The following C6 variants were observed in gnomAD, a reference collection of about 807,000 sequenced individuals.
C6 encodes complement component C6.
A neutral mutation model predicts 112.9 loss-of-function variants in C6; 101 were observed. The observed-to-expected ratio is 0.89, with a 90% CI of 0.76 to 1.06. The LOEUF is 1.06. C6 is among the 50% of genes least tolerant of loss of function. The pLI is 0.00. For synonymous variants in C6, 431 were observed against 384.1 expected, an observed-to-expected ratio of 1.12 and a Z score of -1.43; for missense variants, 1,202 against 1,104.6, an observed-to-expected ratio of 1.09 and a Z score of -1.25.
chr5:41,255,111 C>CA (rs1251984384), intron 1 of C6, among the ~76,000 whole-genome samples: 2 of 152,056 alleles, frequency 1.3e-5, no homozygotes, highest in African/African-American at 4.8e-5. Context: ...TCTGTAATTC[C>CA]AGCACTTTGG....
chr5:41,181,369 G>A lies in C6; in HGVS notation c.917C>T (p.Ser306Phe). The change falls in exon 7 of 18, where the codon TCT becomes TTT. Residue 306 changes from serine (S) to phenylalanine (F), a missense_variant. Coordinates refer to ENST00000337836, the MANE Select transcript of C6 (RefSeq NM_000065.5). The part of the protein sequence containing the change: ...NSAFKQAIQA[S>F]HKKDSSFIRI... The stretch of plus-strand genomic sequence containing the variant: ...AACCATTTTTGATACCTTTTTGTGA[G>A]AGGCTTGAATGGCTTGTTTGAAGGC... The A allele has an allele frequency of 6.2e-7, 1 of 1,613,546 alleles. No homozygotes were observed. The highest frequency in any genetic ancestry group is 1.1e-5 in the South Asian group (1 of 91,038).
Position 41,195,853 on chromosome 5 carries a change from T to C in C6, c.526A>G (p.Thr176Ala). The C allele has an allele frequency of 6.2e-7, 1 of 1,614,048 alleles. No homozygotes were observed. The highest frequency in any genetic ancestry group is 2.2e-5 in the East Asian group (1 of 44,868). Residue 176 changes from threonine (T) to alanine (A), a missense_variant, in exon 5 of 18, where the codon ACA becomes GCA. Coordinates refer to ENST00000337836, the MANE Select transcript of C6 (RefSeq NM_000065.5). The part of the protein sequence containing the change: ...DNSDERDCGR[T>A]KAVCTRKYNP... ...TACTTCCGTGTGCATACTGCCTTTG[T>C]CCTCCCACAGTCCCTTTCATCTGAA...
chr5:41,177,590 G>C (rs1378666565), intron 7 of C6, among the ~76,000 whole-genome samples: 1 of 151,698 alleles, frequency 6.6e-6, no homozygotes, highest in African/African-American at 2.4e-5. Flanking sequence ...CAAAATAACT[G>C]TATTATAACT....
chr5:41,184,646 A>G lies in C6; in HGVS notation c.726+1424T>C, dbSNP rs536673244. Among the ~76,000 whole-genome samples the G allele has an allele frequency of 7.2e-5, 11 of 151,934 alleles. 1 individual carries two copies. In the East Asian group the frequency reaches 1.7e-3, roughly 24 times the overall value. ...ACCACTACGCCCAGCTAAGTTTTGT[A>G]TTTTTAGTAGAGACAGGGTTTCATC... On this transcript the variant is annotated intron_variant, in intron 6 of 17. Coordinates refer to ENST00000337836, the MANE Select transcript of C6 (RefSeq NM_000065.5).
Position 41,195,921 on chromosome 5 carries a change from G to A in C6, c.458C>T (p.Ala153Val). Residue 153 changes from alanine (A) to valine (V), a missense_variant, in exon 5 of 18, where the codon GCC becomes GTC. By Grantham distance (64) the Ala-to-Val change is moderately conservative. Transcript: ENST00000337836. ...TTCTCCATTGCATTCTAACTTTCTG[G>A]CAATGCAGCGGCCTAGTCAAGAAAA... ...KFRCDSGRCIARKLECNGEND... is the reference protein window; with the variant it reads ...KFRCDSGRCIVRKLECNGEND... The A allele has an allele frequency of 9.9e-6, 16 of 1,613,772 alleles. No homozygotes were observed. Among genetic ancestry groups the A allele is most frequent in the Non-Finnish European group, 1.4e-5 (16 of 1,179,902 alleles).
At chr5:41,192,872 A>G (rs1750324118) in intron 5 of C6, among the ~76,000 whole-genome samples, 2 of 152,174 alleles carry the variant, frequency 1.3e-5, no homozygotes, top group Admixed American at 1.3e-4. Flanking sequence ...GGAGTCAGGT[A>G]GAAGGGGGAA....
intron 1 of C6, among the ~76,000 whole-genome samples, chr5:41,236,996 C>T (rs190243694): frequency 1.5e-3 from 230 of 151,662 alleles, no homozygotes; most frequent in Non-Finnish European, 2.5e-3. Context: ...ATACATTCCT[C>T]GACACATACA....
intron 6 of C6, among the ~76,000 whole-genome samples, chr5:41,184,006 C>G (rs1360602927): frequency 1.3e-5 from 2 of 151,838 alleles, no homozygotes; most frequent in Admixed American, 1.3e-4. Flanking sequence ...GGGCAAGAGT[C>G]GAAAAACTGT....
At chr5:41,211,814 T>C (rs1176024673) in intron 1 of C6, among the ~76,000 whole-genome samples, 1 of 152,206 alleles carries the variant, frequency 6.6e-6, no homozygotes, top group Non-Finnish European at 1.5e-5. Flanking sequence ...TTCTTAAAGC[T>C]TCTGGTGAAA....
chr5:41,224,194 T>C (rs1307721486), intron 1 of C6, among the ~76,000 whole-genome samples: 2 of 152,198 alleles, frequency 1.3e-5, no homozygotes, highest in African/African-American at 2.4e-5. Context: ...GTGAGAATAC[T>C]AAATGTGCTG....
chr5:41,240,391 T>C (rs1740626283), intron 1 of C6, among the ~76,000 whole-genome samples: 1 of 152,056 alleles, frequency 6.6e-6, no homozygotes, highest in African/African-American at 2.4e-5. Context: ...TGGGTGCCAG[T>C]AGGAGCAGCT....
chr5:41,199,700 A>T (rs994623888), intron 4 of C6, 68 bp downstream of exon 4: 2 of 1,451,542 alleles, frequency 1.4e-6, no homozygotes, highest in Admixed American at 3.4e-5. Context: ...CTGTTAGTCA[A>T]TTGGAGTAAC....
intron 1 of C6, among the ~76,000 whole-genome samples, chr5:41,225,030 T>G (rs960223813): frequency 2.6e-5 from 4 of 152,224 alleles, no homozygotes; most frequent in African/African-American, 9.6e-5. Flanking sequence ...GCCATTTGTA[T>G]GTCTTCCTTT....
chr5:41,228,854 G>A (rs1393006449), intron 1 of C6, among the ~76,000 whole-genome samples: 1 of 152,124 alleles, frequency 6.6e-6, no homozygotes, highest in Non-Finnish European at 1.5e-5. Flanking sequence ...GTTGAATTCA[G>A]TTTGCAGGTA....
intron 5 of C6, among the ~76,000 whole-genome samples, chr5:41,186,653 T>C (rs1284642059): frequency 6.6e-6 from 1 of 152,086 alleles, no homozygotes; most frequent in Non-Finnish European, 1.5e-5. Context: ...AATAATATTA[T>C]AGTTTTACTA....
chr5:41,221,033 T>TAAA (rs11379591), intron 1 of C6, among the ~76,000 whole-genome samples: 7,882 of 148,914 alleles, frequency 0.053, 706 homozygotes, highest in African/African-American at 0.18. Flanking sequence ...TTTATGTAGC[T>TAAA]AAAAAAAAAA....
chr5:41,212,082 A>G (rs1751978402), intron 1 of C6, among the ~76,000 whole-genome samples: 1 of 152,186 alleles, frequency 6.6e-6, no homozygotes, highest in Non-Finnish European at 1.5e-5. Flanking sequence ...GTACTAATGA[A>G]AGAGCTAATT....
chr5:41,233,986 T>A (rs2028758), intron 1 of C6, among the ~76,000 whole-genome samples: 3,904 of 152,158 alleles, frequency 0.026, 168 homozygotes, highest in African/African-American at 0.089. Context: ...CCATAGTAAA[T>A]CTCTAATATT....
intron 6 of C6, among the ~76,000 whole-genome samples, chr5:41,182,662 G>T (rs1228851072): frequency 2.0e-5 from 3 of 152,160 alleles, no homozygotes; most frequent in East Asian, 1.9e-4. Context: ...TTTCAATAAG[G>T]TATAGCTTAG....
Sources: gnomAD v4.1 joint callset for allele counts (sites outside exome capture counted in the v4.1 genomes callset) on GRCh38, gnomAD v4.1.1 for gene constraint, MANE v1.5 for transcripts, NCBI Gene and HGNC (gene_info 2026-07-23, HGNC 2026-07-21) for gene names.